Variants in TSPO observed in about 807,000 individuals in gnomAD.
TSPO encodes the protein benzodiazepine peripheral binding site.
Under a neutral mutation model 13.9 loss-of-function variants are expected in TSPO, and 14 were observed. The observed-to-expected ratio is 1.01, with a 90% CI of 0.67 to 1.58. The LOEUF (loss-of-function observed/expected upper bound fraction) is 1.58, where lower values mean the gene tolerates loss of function less well. TSPO is among the 40% of genes most tolerant of loss of function. The probability of loss-of-function intolerance (pLI) is 0.00; values close to 1 mark genes in which losing one functional copy is unlikely to be tolerated. For missense variants in TSPO, 232 were observed against 229.6 expected (o/e 1.01, Z -0.07); for synonymous variants, 114 against 105.9 (o/e 1.08, Z -0.47).
rs1350005284 is a variant in TSPO at position 43,159,413 on chromosome 22, G to A, written c.175G>A (p.Ala59Thr). Reference sequence around the variant, plus strand: ...CCCTGTCTGGGGCACGCTCTACTCAGCCATGGGGTAGGTGGGCGTGCACTG... The same window carrying A: ...CCCTGTCTGGGGCACGCTCTACTCAACCATGGGGTAGGTGGGCGTGCACTG... Reference protein sequence around the residue: ...LGPVWGTLYSAMGYGSYLVWK... With the variant: ...LGPVWGTLYSTMGYGSYLVWK... The change falls in exon 2 of 4, where the codon GCC (alanine) becomes ACC (threonine). Residue 59 changes from alanine (A) to threonine (T), a missense_variant. By Grantham distance (58) the Ala-to-Thr change is moderately conservative (BLOSUM62 0). Coordinates refer to ENST00000337554, the MANE Select transcript of TSPO (RefSeq NM_000714.6). 22 of 1,524,350 alleles carry A rather than the reference G, an allele frequency of 1.4e-5. No individual in the cohort carries two copies. The highest frequency in any genetic ancestry group is 1.6e-5 in the Non-Finnish European group (18 of 1,136,136). The allele number at this position is 1,524,350 out of a possible 1,614,324, so 94.4% of individuals were successfully genotyped here.
chr22:43,156,135 G>A (rs1055557853), intron 1 of TSPO, among the ~76,000 whole-genome samples: 1 of 152,242 alleles, frequency 6.6e-6, no homozygotes, highest in African/African-American at 2.4e-5. Context: ...CCTGAGAAGG[G>A]GGCAGCCTGG....
intron 2 of TSPO, among the ~76,000 whole-genome samples, chr22:43,159,886 C>G (rs1263824349): frequency 1.3e-5 from 2 of 152,198 alleles, no homozygotes; most frequent in Non-Finnish European, 2.9e-5. Flanking sequence ...CAGGCTCAGT[C>G]TGGCCTGAGT....
intron 1 of TSPO, among the ~76,000 whole-genome samples, chr22:43,153,496 C>T (rs1251201893): frequency 1.2e-5 from 1 of 82,250 alleles, no homozygotes; most frequent in Non-Finnish European, 2.6e-5. Context: ...GGACTACAGG[C>T]GCCTGCCACC....
chr22:43,154,881 C>A (rs2147051045), intron 1 of TSPO, among the ~76,000 whole-genome samples: 1 of 152,278 alleles, frequency 6.6e-6, no homozygotes, highest in African/African-American at 2.4e-5. Context: ...GGGCCCGATG[C>A]TCTGTGGGGG....
At position 43,159,187 on chromosome 22, in the gene TSPO, C is replaced by T. The variant is rs1450043832; in HGVS notation, c.-29-23C>T. On this transcript the variant is annotated intron_variant, in intron 1 of 3. Coordinates refer to ENST00000337554, the MANE Select transcript of TSPO (RefSeq NM_000714.6). ...CCCCATGGCCTCAGGAATGCCCTCA[C>T]CCAGCCCTGTCTTCTCTTTCAGAGC... The T allele has an allele frequency of 3.4e-6, 5 of 1,459,512 alleles. No individual in the cohort carries two copies. The African/African-American group carries it at 4.3e-5, about 12-fold the overall frequency. 90.4% of individuals were successfully genotyped at this position (1,459,512 alleles called of 1,614,324 possible). A position where few individuals can be genotyped will look rare whatever the true frequency, so the allele number is the denominator to read the frequency against.
chr22:43,162,100 A>G (rs1460272301), intron 3 of TSPO, among the ~76,000 whole-genome samples: 3 of 146,248 alleles, frequency 2.1e-5, no homozygotes, highest in Non-Finnish European at 4.5e-5. Context: ...ACAGGCATGC[A>G]GCACCATGTC....
intron 2 of TSPO, chr22:43,159,722 T>C: frequency 3.0e-6 from 1 of 337,166 alleles, no homozygotes; most frequent in East Asian, 4.5e-5. Context: ...GCATGGACGC[T>C]AAGATTAACA....
intron 1 of TSPO, among the ~76,000 whole-genome samples, chr22:43,156,709 C>T (rs1335473189): frequency 6.6e-6 from 1 of 152,212 alleles, no homozygotes; most frequent in South Asian, 2.1e-4. Flanking sequence ...CGGTGGCTCA[C>T]GCCTGCACTG....
At position 43,158,191 on chromosome 22, in the gene TSPO, T is replaced by G. The variant is rs370495060; in HGVS notation, c.-29-1019T>G. On this transcript the variant is annotated intron_variant, in intron 1 of 3. Coordinates refer to ENST00000337554, the MANE Select transcript of TSPO (RefSeq NM_000714.6). ...CTCCATGTCCCCTGGACTGCTTGTC[T>G]CTCGTGTTCCCCTGGGACGAAAGTG... is the stretch of plus-strand genomic sequence containing the variant. Among the ~76,000 whole-genome samples, 368 of 152,294 alleles carry G rather than the reference T, an allele frequency of 2.4e-3. 1 individual carries two copies. The highest frequency in any genetic ancestry group is 4.6e-3 in the Non-Finnish European group (315 of 68,026).
intron 1 of TSPO, among the ~76,000 whole-genome samples, chr22:43,155,316 C>T (rs569366596): frequency 7.7e-4 from 117 of 152,294 alleles, no homozygotes; most frequent in African/African-American, 2.7e-3. Context: ...GGGATGAGCA[C>T]GGACTCCACC....
chr22:43,159,419 G>T lies in TSPO; in HGVS notation c.181G>T (p.Gly61Trp), dbSNP rs1162957449. Residue 61 changes from glycine (G) to tryptophan (W), a missense_variant and splice_region_variant, in exon 2 of 4, where the codon GGG becomes TGG. Transcript: ENST00000337554. ...CTGGGGCACGCTCTACTCAGCCATG[G>T]GGTAGGTGGGCGTGCACTGGCCTGG... ...PVWGTLYSAM[G>W]YGSYLVWKEL... 3 of 1,514,696 alleles carry T rather than the reference G, an allele frequency of 2.0e-6. No individual in the cohort carries two copies. The highest frequency in any genetic ancestry group is 2.7e-6 in the Non-Finnish European group (3 of 1,131,228). The allele number at this position is 1,514,696 out of a possible 1,614,324, so 93.8% of individuals were successfully genotyped here. A position where few individuals can be genotyped will look rare whatever the true frequency, so the allele number is the denominator to read the frequency against.
intron 1 of TSPO, among the ~76,000 whole-genome samples, chr22:43,158,172 G>T (rs910772414): frequency 4.6e-5 from 7 of 152,162 alleles, no homozygotes; most frequent in Non-Finnish European, 7.3e-5. Context: ...CTGCCTCCAT[G>T]TCCCCTGGAC....
intron 1 of TSPO, among the ~76,000 whole-genome samples, chr22:43,157,335 G>A (rs918437944): frequency 3.4e-5 from 5 of 147,982 alleles, no homozygotes; most frequent in African/African-American, 1.3e-4. Flanking sequence ...GCGGGAGGGA[G>A]AACACAGGAA....
intron 1 of TSPO, among the ~76,000 whole-genome samples, chr22:43,153,312 C>T (rs1931146419): frequency 6.9e-6 from 1 of 144,508 alleles, no homozygotes; most frequent in Admixed American, 7.0e-5. Flanking sequence ...GCATGAGCCA[C>T]TGTTCCTGGC....
Position 43,153,501 on chromosome 22 carries a change from G to A in TSPO, c.-30+1897G>A, listed in dbSNP as rs1931157175. Among the ~76,000 whole-genome samples, 2 of 82,054 alleles carry A rather than the reference G, an allele frequency of 2.4e-5. 1 individual carries two copies. The highest frequency in any genetic ancestry group is 5.2e-5 in the Non-Finnish European group (2 of 38,326). The allele number at this position is 82,054 out of a possible 152,430, so 53.8% of individuals were successfully genotyped here. On this transcript the variant is annotated intron_variant, in intron 1 of 3. Transcript: ENST00000337554. ...CGAGTAGCTGGGACTACAGGCGCCT[G>A]CCACCGCGCCCGGCTAATTTTTTGT...
At chr22:43,153,120 T>TCTC (rs1931140262) in intron 1 of TSPO, among the ~76,000 whole-genome samples, 1 of 76,444 alleles carries the variant, frequency 1.3e-5, no homozygotes, top group Non-Finnish European at 2.7e-5. Flanking sequence ...TCTTTCTCTT[T>TCTC]TTTTCTTTCT....
chr22:43,161,336 C>A, intron 3 of TSPO, 146 bp downstream of exon 3: 1 of 1,209,026 alleles, frequency 8.3e-7, no homozygotes, highest in Admixed American at 3.0e-5. Context: ...GCAGCCCACA[C>A]CCTGGAGCCT....
intron 3 of TSPO, 42 bp downstream of exon 3, chr22:43,161,232 A>C (rs1254763074): frequency 6.3e-7 from 1 of 1,585,096 alleles, no homozygotes; most frequent in Non-Finnish European, 8.6e-7. Flanking sequence ...CCTGGATCCG[A>C]CCCTTGGAGG....
intron 2 of TSPO, among the ~76,000 whole-genome samples, chr22:43,160,225 C>T (rs1471955100): frequency 6.6e-6 from 1 of 152,124 alleles, no homozygotes; most frequent in Non-Finnish European, 1.5e-5. Context: ...TCCAGTGTCC[C>T]CACCCTGCTT....
Sources: gnomAD v4.1 joint callset for allele counts (sites outside exome capture counted in the v4.1 genomes callset) on GRCh38, gnomAD v4.1.1 for gene constraint, MANE v1.5 for transcripts, NCBI Gene and HGNC (gene_info 2026-07-23, HGNC 2026-07-21) for gene names.